The following CPEB2 variants were observed in gnomAD, a reference collection of about 807,000 sequenced individuals.
The protein encoded by CPEB2 is cytoplasmic polyadenylation element binding protein 2.
Under a neutral mutation model 93.6 loss-of-function variants are expected in CPEB2, and 56 were observed. The ratio of observed to expected loss-of-function variants is 0.60; its 90% CI spans 0.48 to 0.75. The LOEUF is 0.75. CPEB2 is among the 30% of genes least tolerant of loss of function. The pLI, the probability that CPEB2 is intolerant of heterozygous loss-of-function variation, is 0.00. For synonymous variants in CPEB2, 764 were observed against 586.3 expected, an observed-to-expected ratio of 1.30 and a Z score of -4.38; for missense variants, 1,579 against 1,395.1, an observed-to-expected ratio of 1.13 and a Z score of -2.10.
intron 3 of CPEB2, among the ~76,000 whole-genome samples, chr4:15,009,580 G>A (rs1723225307): frequency 6.6e-6 from 1 of 152,184 alleles, no homozygotes; most frequent in African/African-American, 2.4e-5. Context: ...TGAATGCCTA[G>A]GAGATGGTAT....
rs1459986327 is a variant in CPEB2 at position 15,004,105 on chromosome 4, G to T, written c.1432G>T (p.Val478Phe). The change falls in exon 1 of 12, where the codon GTT becomes TTT. Residue 478 changes from valine (V) to phenylalanine (F), a missense_variant. By Grantham distance (50) the Val-to-Phe change is conservative (BLOSUM62 -1). Coordinates refer to ENST00000538197, the MANE Select transcript of CPEB2 (RefSeq NM_001177382.2). ...GCCGCACGGCTGCACTGGGCTCAGC[G>T]TTCCGACGAGCGGCGGCGGCGGCGG... The part of the protein sequence containing the change: ...VSPHGCTGLS[V>F]PTSGGGGGGF... 9 of 1,554,982 alleles carry T rather than the reference G, an allele frequency of 5.8e-6. No individual in the cohort carries two copies. In the African/African-American group the frequency reaches 1.3e-4, roughly 22 times the overall value.
intron 5 of CPEB2, among the ~76,000 whole-genome samples, chr4:15,037,571 G>A (rs1377612735): frequency 3.3e-5 from 5 of 152,150 alleles, no homozygotes; most frequent in Admixed American, 6.5e-5. Context: ...GTTTTTTGTA[G>A]CTATGGATTA....
Position 15,003,278 on chromosome 4 carries a change from T to C in CPEB2, c.605T>C (p.Leu202Pro). 2 of 1,515,614 alleles carry C rather than the reference T, an allele frequency of 1.3e-6. No individual in the cohort carries two copies. The highest frequency in any genetic ancestry group is 1.5e-5 in the African/African-American group (1 of 66,922). The allele number at this position is 1,515,614 out of a possible 1,614,324, so 93.9% of individuals were successfully genotyped here. Residue 202 changes from leucine (L) to proline (P), a missense_variant, in exon 1 of 12, where the codon CTC becomes CCC. Physicochemically the swap from Leu to Pro is moderately conservative, Grantham distance 98 (BLOSUM62 -3). Transcript: ENST00000538197. ...DSKPPPPPPP[L>P]HCPGRFSPPP... ...AAGCCGCCGCCGCCGCCTCCGCCGCTCCACTGCCCCGGTCGGTTCAGCCCG... is the reference window on the plus strand; with the variant it reads ...AAGCCGCCGCCGCCGCCTCCGCCGCCCCACTGCCCCGGTCGGTTCAGCCCG...
chr4:15,052,611 G>A, intron 7 of CPEB2, 27 bp downstream of exon 7: 1 of 1,395,262 alleles, frequency 7.2e-7, no homozygotes, highest in Non-Finnish European at 9.6e-7. Context: ...TTATTAACAT[G>A]GTGATTTGGG....
intron 8 of CPEB2, 51 bp from the exon 9 acceptor site, chr4:15,058,370 A>G: frequency 2.9e-6 from 3 of 1,022,988 alleles, no homozygotes; most frequent in Non-Finnish European, 3.0e-6. Context: ...TGAAATTTGG[A>G]GTAAAATCAC....
chr4:15,007,354 G>A lies in CPEB2; in HGVS notation c.1712G>A (p.Gly571Asp), dbSNP rs747673885. Residue 571 changes from glycine (G) to aspartate (D), a missense_variant, in exon 2 of 12, where the codon GGC becomes GAC. Gly to Asp is a moderately conservative substitution (Grantham distance 94). This residue lies in a region of CPEB2 where 1,411 missense variants were observed against 1,056.0 expected (regional missense o/e 1.34). Transcript: ENST00000538197. Reference sequence around the variant, plus strand: ...AGCAACCATCAGAGCAGTGGCTGGGGCACTGGAAGTATGTCCTGGGGAGCA... The same window carrying A: ...AGCAACCATCAGAGCAGTGGCTGGGACACTGGAAGTATGTCCTGGGGAGCA... ...PWSNHQSSGW[G>D]TGSMSWGAMH... The A allele has an allele frequency of 3.8e-6, 6 of 1,598,044 alleles. No individual in the cohort carries two copies. In the South Asian group the frequency reaches 4.5e-5, roughly 12 times the overall value.
At chr4:15,018,448 T>A (rs918014087) in intron 4 of CPEB2, among the ~76,000 whole-genome samples, 2 of 151,674 alleles carry the variant, frequency 1.3e-5, no homozygotes, top group Non-Finnish European at 3.0e-5. Flanking sequence ...AAACTTATAG[T>A]TGTATGTCAG....
At position 15,003,112 on chromosome 4, in the gene CPEB2, C is replaced by T. The variant is rs1309778620; in HGVS notation, c.439C>T (p.Pro147Ser). The change falls in exon 1 of 12, where the codon CCC (proline) becomes TCC (serine). Residue 147 changes from proline (P) to serine (S), a missense_variant. By Grantham distance (74) the Pro-to-Ser change is moderately conservative. This residue lies in a region of CPEB2 where 1,411 missense variants were observed against 1,056.0 expected (regional missense o/e 1.34). Coordinates refer to ENST00000538197, the MANE Select transcript of CPEB2 (RefSeq NM_001177382.2). The part of the protein sequence containing the change: ...SQDFKPSLHH[P>S]SSSSASSCCC... ...GGACTTCAAACCGAGTCTGCACCAC[C>T]CCTCCTCCTCCTCCGCCTCCTCCTG... The T allele has an allele frequency of 9.8e-6, 15 of 1,533,016 alleles. No individual in the cohort carries two copies. The highest frequency in any genetic ancestry group is 1.4e-5 in the African/African-American group (1 of 72,528). 95.0% of individuals were successfully genotyped at this position (1,533,016 alleles called of 1,614,324 possible).
intron 3 of CPEB2, among the ~76,000 whole-genome samples, chr4:15,015,327 G>C (rs948873682): frequency 6.6e-6 from 1 of 152,014 alleles, no homozygotes; most frequent in African/African-American, 2.4e-5. Context: ...CTAGAGAGCA[G>C]CTGTTATTGA....
chr4:15,037,575 T>C (rs919152994), intron 5 of CPEB2, among the ~76,000 whole-genome samples: 5 of 152,188 alleles, frequency 3.3e-5, no homozygotes, highest in Admixed American at 2.6e-4. Context: ...TTTGTAGCTA[T>C]GGATTAGATC....
chr4:15,003,756 C>T lies in CPEB2; in HGVS notation c.1083C>T (p.Pro361=). The change falls in exon 1 of 12, where the codon CCC becomes CCT. Residue 361 remains proline, a synonymous_variant. Coordinates refer to ENST00000538197, the MANE Select transcript of CPEB2 (RefSeq NM_001177382.2). ...GGGGGGGGGG[P]PGGGGGGGSA... is the part of the protein sequence containing the mutation. ...GCGGCGGCGGCGGGGGCGGGGGGCC[C>T]CCAGGAGGCGGAGGGGGAGGCGGCT... 8.0e-7 allele frequency: 1 copy of T among 1,255,478 alleles called. No individual in the cohort carries two copies. The highest frequency in any genetic ancestry group is 3.3e-5 in the East Asian group (1 of 30,478). The allele number at this position is 1,255,478 out of a possible 1,614,324, so 77.8% of individuals were successfully genotyped here. A position where few individuals can be genotyped will look rare whatever the true frequency, so the allele number is the denominator to read the frequency against.
chr4:15,033,907 T>C (rs1726359539), intron 5 of CPEB2, among the ~76,000 whole-genome samples: 1 of 150,380 alleles, frequency 6.6e-6, no homozygotes, highest in African/African-American at 2.5e-5. Context: ...AGAATAGAAA[T>C]AGTATTAATA....
At chr4:15,024,381 TATG>T (rs1180052650) in intron 4 of CPEB2, among the ~76,000 whole-genome samples, 6 of 152,290 alleles carry the variant, frequency 3.9e-5, no homozygotes, top group Middle Eastern at 6.8e-3. Context: ...ACCTATATAA[TATG>T]ATAAGTCACT....
rs114763183 is a variant in CPEB2 at position 15,025,821 on chromosome 4, G to A, written c.2126-7340G>A. 2.6e-3 allele frequency among the ~76,000 whole-genome samples: 394 copies of A among 151,902 alleles called. 2 individuals are homozygous for A. Among genetic ancestry groups the A allele is most frequent in the African/African-American group, 8.9e-3 (367 of 41,414 alleles). On this transcript the variant is annotated intron_variant, in intron 4 of 11. Coordinates refer to ENST00000538197, the MANE Select transcript of CPEB2 (RefSeq NM_001177382.2). ...CCCCATGTATACACGGCTTAGGTTT[G>A]TGTTTCAGTGATTTCTGGTCTACAA...
At chr4:15,022,262 T>C (rs551673491) in intron 4 of CPEB2, among the ~76,000 whole-genome samples, 15 of 151,420 alleles carry the variant, frequency 9.9e-5, no homozygotes, top group African/African-American at 3.1e-4. Flanking sequence ...ATGGCATTTA[T>C]TAAAATAAAG....
At chr4:15,019,474 C>A (rs1724579627) in intron 4 of CPEB2, among the ~76,000 whole-genome samples, 1 of 151,960 alleles carries the variant, frequency 6.6e-6, no homozygotes, top group Admixed American at 6.6e-5. Context: ...ATGGAATAAA[C>A]CATCCAGGGT....
chr4:15,031,750 T>C (rs1726123843), intron 4 of CPEB2, among the ~76,000 whole-genome samples: 2 of 152,322 alleles, frequency 1.3e-5, no homozygotes, highest in East Asian at 3.9e-4. Context: ...TGGGTACCTA[T>C]CATATATATT....
At chr4:15,015,696 A>G (rs1272061136) in intron 3 of CPEB2, among the ~76,000 whole-genome samples, 1 of 151,900 alleles carries the variant, frequency 6.6e-6, no homozygotes, top group African/African-American at 2.4e-5. Context: ...TTTCTTCGGG[A>G]AAAAAAGAAA....
At chr4:15,043,225 C>T (rs994652600) in intron 6 of CPEB2, among the ~76,000 whole-genome samples, 5 of 152,082 alleles carry the variant, frequency 3.3e-5, no homozygotes, top group African/African-American at 1.2e-4. Flanking sequence ...TTAATAATGT[C>T]AATAAGAACT....
Sources: gnomAD v4.1 joint callset for allele counts (sites outside exome capture counted in the v4.1 genomes callset) on GRCh38, gnomAD v4.1.1 for gene constraint, gnomAD v4.1.1 regional missense constraint, MANE v1.5 for transcripts, NCBI Gene and HGNC (gene_info 2026-07-23, HGNC 2026-07-21) for gene names.